VPS13C: variants seen among roughly 807,000 people sequenced by gnomAD.
The protein encoded by VPS13C is intermembrane lipid transfer protein VPS13C.
A neutral mutation model predicts 456.8 loss-of-function variants in VPS13C; 358 were observed. That is an observed-to-expected ratio of 0.78 (90% CI 0.72 to 0.86). VPS13C has a LOEUF of 0.86. Ranked by LOEUF, VPS13C falls within the 40% of genes least tolerant of loss-of-function variation. VPS13C has a pLI of 0.00. For missense variants in VPS13C, 4,818 were observed against 4,385.4 expected (o/e 1.10, Z -2.79); for synonymous variants, 1,578 against 1,486.7 (o/e 1.06, Z -1.41).
rs1190774720 is a variant in VPS13C, at chr15:61,854,260, T to A, written c.*197A>T. ...TTTGGGTGGTGGCGTAGAAGTGGAC[T>A]GCTAGCATATACATGGTTACAAAAT... On this transcript the variant is annotated 3_prime_UTR_variant, in exon 85 of 85. Transcript: ENST00000644861. 3 of 601,398 alleles carry A rather than the reference T, an allele frequency of 5.0e-6. No individual in the cohort carries two copies. The allele number at this position is 601,398 out of a possible 1,614,324, so 37.3% of individuals were successfully genotyped here.
At position 61,920,297 on chromosome 15, in the gene VPS13C, T is replaced by C. The variant is rs746398579; in HGVS notation, c.7247A>G (p.Tyr2416Cys). 1.0e-4 allele frequency: 167 copies of C among 1,608,622 alleles called. No homozygotes were observed. Among genetic ancestry groups the C allele is most frequent in the Non-Finnish European group, 1.2e-4 (146 of 1,176,234 alleles). ...FSEGTASTFD[Y>C]SLKDRAPFTV... ...AAAAGGAGCTCTGTCCTTTAAAGAG[T>C]AGTCAAAAGTAGAAGCAGTGCCCTC... is the stretch of plus-strand genomic sequence containing the variant. The change falls in exon 57 of 85, where the codon TAC (tyrosine) becomes TGC (cysteine). Residue 2416 changes from tyrosine (Y) to cysteine (C), a missense_variant. By Grantham distance (194) the Tyr-to-Cys change is radical. Coordinates refer to ENST00000644861, the MANE Select transcript of VPS13C (RefSeq NM_020821.3).
intron 9 of VPS13C, among the ~76,000 whole-genome samples, chr15:62,017,202 T>C (rs1215207447): frequency 1.3e-5 from 2 of 151,940 alleles, no homozygotes; most frequent in African/African-American, 2.4e-5. Flanking sequence ...GTCAGATGAG[T>C]AGGTTGCAAA....
chr15:61,929,452 C>A, intron 51 of VPS13C, 49 bp downstream of exon 51: 2 of 1,546,814 alleles, frequency 1.3e-6, no homozygotes, highest in South Asian at 1.2e-5. Flanking sequence ...GTTTGTAATT[C>A]TTGTCAAAAT....
At chr15:62,021,190 G>A (rs886305060) in intron 8 of VPS13C, among the ~76,000 whole-genome samples, 18 of 151,670 alleles carry the variant, frequency 1.2e-4, no homozygotes, top group Non-Finnish European at 5.9e-5. Context: ...TTATTAATGG[G>A]TACAATGTAT....
intron 1 of VPS13C, among the ~76,000 whole-genome samples, chr15:62,047,032 A>C (rs2048427143): frequency 6.6e-6 from 1 of 152,112 alleles, no homozygotes; most frequent in South Asian, 2.1e-4. Context: ...ATGGGGAAAT[A>C]AAACAAAAGT....
chr15:61,902,884 GAAA>G (rs71125957), intron 66 of VPS13C, among the ~76,000 whole-genome samples: 1 of 128,368 alleles, frequency 7.8e-6, no homozygotes. Context: ...ATCCAAATTT[GAAA>G]AAAAAAAAAA....
chr15:62,041,365 CT>C lies in VPS13C; in HGVS notation c.145del (p.Ser49ValfsTer17). ...DNLQIKENAL[S>X]ELDVPFKVKA... is the part of the protein sequence containing the mutation. ...GACTTTAAAAGGAACATCCAATTCA[CT>C]CTTCAGAAGAAAGAGAAAATGTAAA... is the stretch of plus-strand genomic sequence containing the variant. On this transcript the variant is annotated frameshift_variant and splice_region_variant, in exon 3 of 85. Coordinates refer to ENST00000644861, the MANE Select transcript of VPS13C (RefSeq NM_020821.3). LOFTEE classifies it high-confidence loss of function. 6.2e-7 allele frequency: 1 copy of C among 1,605,304 alleles called. No homozygotes were observed. Among genetic ancestry groups the C allele is most frequent in the Non-Finnish European group, 8.5e-7 (1 of 1,177,916 alleles).
chr15:61,869,396 CTT>C (rs1894846277), intron 80 of VPS13C, 102 bp downstream of exon 80: 1 of 1,300,164 alleles, frequency 7.7e-7, no homozygotes, highest in Admixed American at 2.4e-5. Context: ...TTCAATTAGA[CTT>C]TAAGATCCTT....
At chr15:61,889,368 C>T (rs1255377817) in intron 67 of VPS13C, among the ~76,000 whole-genome samples, 4 of 151,782 alleles carry the variant, frequency 2.6e-5, no homozygotes, top group Non-Finnish European at 5.9e-5. Flanking sequence ...CCATTTATAA[C>T]CATTAGTTTC....
At chr15:62,035,238 G>T (rs942521276) in intron 3 of VPS13C, among the ~76,000 whole-genome samples, 186 bp from the exon 4 acceptor site, 20 of 151,758 alleles carry the variant, frequency 1.3e-4, no homozygotes, top group Admixed American at 6.6e-5. Flanking sequence ...ACTATTAAGT[G>T]AATAGTCACA....
rs759210924 is a variant in VPS13C at position 61,959,475 on chromosome 15, T to C, written c.4029A>G (p.Glu1343=). Residue 1343 remains glutamate (E), a synonymous_variant, in exon 36 of 85, where the codon GAA becomes GAG. Transcript: ENST00000644861. ...ASWYHKVPVV[E]IKGHLDSMNV... ...TCATTGAATCAAGATGTCCTTTAAT[T>C]TCCACAACAGGCACCTTGTGGTACC... The C allele has an allele frequency of 6.2e-7, 1 of 1,612,136 alleles. No individual in the cohort carries two copies. The highest frequency in any genetic ancestry group is 8.5e-7 in the Non-Finnish European group (1 of 1,178,694).
chr15:62,054,613 A>C (rs1405316368), intron 1 of VPS13C, among the ~76,000 whole-genome samples: 1 of 152,172 alleles, frequency 6.6e-6, no homozygotes, highest in Non-Finnish European at 1.5e-5. Context: ...GGACAAATAC[A>C]TAATGCAGGG....
In VPS13C at chr15:61,880,844, C is replaced by T. The variant is rs769401191; in HGVS notation, c.9887G>A (p.Arg3296Gln). ...TCCCCAAGAAATAAAAATTTTTACCCGTCTTCTTTCAGCTTCAGGGTCTGT... is the reference window on the plus strand; with the variant it reads ...TCCCCAAGAAATAAAAATTTTTACCTGTCTTCTTTCAGCTTCAGGGTCTGT... ...PTTDPEAERR[R>Q]TKLIQQDIDA... Residue 3296 changes from arginine (R) to glutamine (Q), a missense_variant and splice_region_variant, in exon 72 of 85, where the codon CGG becomes CAG. Around this residue, in one of 3 missense-constraint regions of VPS13C, gnomAD observed 4,552 missense variants for 4,130.6 expected, o/e 1.10. Coordinates refer to ENST00000644861, the MANE Select transcript of VPS13C (RefSeq NM_020821.3). The T allele has an allele frequency of 1.3e-5, 20 of 1,581,912 alleles. No homozygotes were observed. Among genetic ancestry groups the T allele is most frequent in the South Asian group, 4.8e-5 (4 of 82,870 alleles).
chr15:62,038,954 A>C (rs1567138915), intron 3 of VPS13C, among the ~76,000 whole-genome samples: 1 of 152,190 alleles, frequency 6.6e-6, no homozygotes, highest in Non-Finnish European at 1.5e-5. Context: ...AAAATAACAG[A>C]TATTGGCATG....
At chr15:61,862,472 G>A (rs2140847078) in intron 82 of VPS13C, among the ~76,000 whole-genome samples, 1 of 152,196 alleles carries the variant, frequency 6.6e-6, no homozygotes, top group East Asian at 1.9e-4. Flanking sequence ...GCCCAGTACT[G>A]AATTATATAA....
intron 16 of VPS13C, among the ~76,000 whole-genome samples, chr15:61,998,127 C>T (rs1243644407): frequency 6.6e-6 from 1 of 152,156 alleles, no homozygotes; most frequent in East Asian, 1.9e-4. Context: ...ATGTTCCAAC[C>T]CCAAAACCTT....
intron 5 of VPS13C, 21 bp downstream of exon 5, chr15:62,033,420 T>C (rs1236863309): frequency 6.5e-7 from 1 of 1,541,334 alleles, no homozygotes; most frequent in South Asian, 1.2e-5. Flanking sequence ...TGTCTAAGTT[T>C]ATCTCAAAAA....
chr15:62,052,026 T>C (rs2048636461), intron 1 of VPS13C, among the ~76,000 whole-genome samples: 1 of 152,180 alleles, frequency 6.6e-6, no homozygotes, highest in Non-Finnish European at 1.5e-5. Context: ...AATTTTTTTG[T>C]GGCAGTACTA....
At chr15:61,880,211 C>T (rs934430546) in intron 73 of VPS13C, among the ~76,000 whole-genome samples, 2 of 152,092 alleles carry the variant, frequency 1.3e-5, no homozygotes, top group African/African-American at 4.8e-5. Context: ...GGGAAAAACA[C>T]CACATCAACA....
Sources: gnomAD v4.1 joint callset for allele counts (sites outside exome capture counted in the v4.1 genomes callset) on GRCh38, gnomAD v4.1.1 for gene constraint, gnomAD v4.1.1 regional missense constraint, MANE v1.5 for transcripts, NCBI Gene and HGNC (gene_info 2026-07-23, HGNC 2026-07-21) for gene names.